KCNQ5: variants seen among roughly 807,000 people sequenced by gnomAD.
The protein encoded by KCNQ5 is potassium voltage-gated channel subfamily KQT member 5.
In KCNQ5, 30 loss-of-function variants were observed where a neutral mutation model predicts 98.2. The observed-to-expected ratio is 0.31, with a 90% CI of 0.23 to 0.41. The LOEUF (loss-of-function observed/expected upper bound fraction) is 0.41. KCNQ5 is among the 10% of genes least tolerant of loss of function. The pLI, the probability that KCNQ5 is intolerant of heterozygous loss-of-function variation, is 1.00. For missense variants in KCNQ5, 835 were observed against 1,182.5 expected (o/e 0.71, Z 4.31); for synonymous variants, 458 against 449.4 (o/e 1.02, Z -0.24).
intron 1 of KCNQ5, among the ~76,000 whole-genome samples, chr6:72,878,561 C>A (rs1245084885): frequency 6.6e-6 from 1 of 152,118 alleles, no homozygotes; most frequent in African/African-American, 2.4e-5. Flanking sequence ...GGAGTCCTGG[C>A]TGGGTACTTT....
At chr6:72,732,210 A>G (rs1770591566) in intron 1 of KCNQ5, among the ~76,000 whole-genome samples, 1 of 152,138 alleles carries the variant, frequency 6.6e-6, no homozygotes, top group Admixed American at 6.5e-5. Context: ...ATACAGAGAT[A>G]CTTCTAGTGT....
intron 1 of KCNQ5, among the ~76,000 whole-genome samples, chr6:72,878,417 G>A (rs1248224962): frequency 1.4e-5 from 2 of 141,506 alleles, no homozygotes; most frequent in Non-Finnish European, 3.2e-5. Context: ...ACAACCCCAG[G>A]AGGCTTTTTT....
Position 72,787,668 on chromosome 6 carries a change from T to C in KCNQ5, c.398+165081T>C, listed in dbSNP as rs546623782. Among the ~76,000 whole-genome samples, 10 of 152,308 alleles carry C rather than the reference T, an allele frequency of 6.6e-5. No homozygotes were observed. The South Asian group carries it at 2.1e-3, about 32-fold the overall frequency. On this transcript the variant is annotated intron_variant, in intron 1 of 13. Transcript: ENST00000370398. ...GTAACTTGAGTACCCGTCCTCCCAG[T>C]CCATGCCTGTCAGCATACAGGCCAC...
chr6:72,626,816 T>C (rs1403011908), intron 1 of KCNQ5, among the ~76,000 whole-genome samples: 1 of 152,144 alleles, frequency 6.6e-6, no homozygotes, highest in African/African-American at 2.4e-5. Flanking sequence ...ACTGTGGAGA[T>C]GAGAAGGAGG....
intron 1 of KCNQ5, among the ~76,000 whole-genome samples, chr6:72,961,866 A>C (rs1767373504): frequency 6.6e-6 from 1 of 151,910 alleles, no homozygotes; most frequent in Non-Finnish European, 1.5e-5. Flanking sequence ...ACCTAAAACC[A>C]CATGTTCTCA....
intron 1 of KCNQ5, among the ~76,000 whole-genome samples, chr6:72,633,677 A>T (rs1388967155): frequency 1.3e-5 from 2 of 152,236 alleles, no homozygotes; most frequent in African/African-American, 4.8e-5. Context: ...TGGTACTCAT[A>T]CAAAAACAGA....
At chr6:72,660,813 G>A (rs1241785276) in intron 1 of KCNQ5, among the ~76,000 whole-genome samples, 2 of 152,072 alleles carry the variant, frequency 1.3e-5, no homozygotes, top group Non-Finnish European at 2.9e-5. Context: ...AGAACTAACA[G>A]GTACTAAAAT....
At chr6:73,182,158 C>T (rs1778422375) in intron 11 of KCNQ5, among the ~76,000 whole-genome samples, 1 of 152,176 alleles carries the variant, frequency 6.6e-6, no homozygotes, top group Non-Finnish European at 1.5e-5. Context: ...GGTCAGCAAA[C>T]TATAGCCAGG....
At chr6:73,138,740 G>C (rs1022839907) in intron 10 of KCNQ5, among the ~76,000 whole-genome samples, 1 of 152,186 alleles carries the variant, frequency 6.6e-6, no homozygotes, top group Non-Finnish European at 1.5e-5. Context: ...CTGGGTTCAG[G>C]AGATGTTTAG....
intron 1 of KCNQ5, among the ~76,000 whole-genome samples, chr6:72,692,338 T>C (rs1214305175): frequency 6.6e-6 from 1 of 152,200 alleles, no homozygotes; most frequent in African/African-American, 2.4e-5. Context: ...CACATTTAGC[T>C]TGCAGGATGG....
chr6:72,716,846 T>G (rs76263435), intron 1 of KCNQ5, among the ~76,000 whole-genome samples: 2,037 of 152,300 alleles, frequency 0.013, 35 homozygotes, highest in African/African-American at 0.042. Flanking sequence ...TAAACTTTTT[T>G]CTCATCTTTA....
chr6:72,997,367 T>TA (rs1419953125), intron 1 of KCNQ5, among the ~76,000 whole-genome samples: 2 of 152,014 alleles, frequency 1.3e-5, no homozygotes, highest in Non-Finnish European at 2.9e-5. Flanking sequence ...TTTAAAGAAA[T>TA]ACTCTAAGCA....
intron 1 of KCNQ5, among the ~76,000 whole-genome samples, chr6:72,711,237 G>A (rs1346396172): frequency 6.6e-6 from 1 of 151,944 alleles, no homozygotes; most frequent in African/African-American, 2.4e-5. Flanking sequence ...ACAGCAAGAA[G>A]TAGCCATTTA....
intron 1 of KCNQ5, among the ~76,000 whole-genome samples, chr6:72,857,502 A>C (rs1429695844): frequency 6.6e-6 from 1 of 152,210 alleles, no homozygotes; most frequent in Non-Finnish European, 1.5e-5. Flanking sequence ...GTTTACATAC[A>C]AAACAAGTTT....
intron 1 of KCNQ5, among the ~76,000 whole-genome samples, chr6:72,663,086 A>T (rs1766609557): frequency 6.6e-6 from 1 of 152,138 alleles, no homozygotes; most frequent in Non-Finnish European, 1.5e-5. Context: ...GAGTAGAACA[A>T]TGAGAACACG....
At chr6:72,874,824 G>A (rs540165058) in intron 1 of KCNQ5, among the ~76,000 whole-genome samples, 5 of 152,214 alleles carry the variant, frequency 3.3e-5, no homozygotes, top group Admixed American at 3.3e-4. Context: ...TTAAAAGTAA[G>A]CACAAAAGCG....
At chr6:72,845,759 A>T (rs2150137367) in intron 1 of KCNQ5, among the ~76,000 whole-genome samples, 1 of 152,238 alleles carries the variant, frequency 6.6e-6, no homozygotes, top group African/African-American at 2.4e-5. Context: ...TCTCACTATT[A>T]TTTTTATTTG....
At chr6:72,672,512 C>A (rs1255678673) in intron 1 of KCNQ5, among the ~76,000 whole-genome samples, 3 of 152,066 alleles carry the variant, frequency 2.0e-5, no homozygotes, top group Non-Finnish European at 4.4e-5. Context: ...AAGTAGACAG[C>A]CTAGTGTTTT....
intron 1 of KCNQ5, among the ~76,000 whole-genome samples, chr6:72,924,386 A>G (rs571721220): frequency 1.4e-4 from 21 of 152,272 alleles, no homozygotes; most frequent in African/African-American, 4.1e-4. Context: ...TTTTATTTGA[A>G]AGTGAAAACT....
Sources: gnomAD v4.1 joint callset for allele counts (sites outside exome capture counted in the v4.1 genomes callset) on GRCh38, gnomAD v4.1.1 for gene constraint, MANE v1.5 for transcripts, NCBI Gene and HGNC (gene_info 2026-07-23, HGNC 2026-07-21) for gene names.